The following OSBPL6 variants were observed in gnomAD, a reference collection of about 807,000 sequenced individuals.
OSBPL6 encodes oxysterol binding protein like 6.
Under a neutral mutation model 125.8 loss-of-function variants are expected in OSBPL6, and 49 were observed. That is an observed-to-expected ratio of 0.39 (90% confidence interval 0.31 to 0.49). OSBPL6 has a LOEUF of 0.49. Ranked by LOEUF, OSBPL6 falls within the 20% of genes least tolerant of loss-of-function variation. The pLI, the probability that OSBPL6 is intolerant of heterozygous loss-of-function variation, is 0.88. For synonymous variants in OSBPL6, 394 were observed against 391.8 expected (o/e 1.01, Z -0.07); for missense variants, 986 against 1,135.4 (o/e 0.87, Z 1.89).
intron 2 of OSBPL6, among the ~76,000 whole-genome samples, chr2:178,305,340 C>T (rs1356266651): frequency 6.6e-6 from 1 of 152,174 alleles, no homozygotes; most frequent in African/African-American, 2.4e-5. Context: ...TTAATACTAA[C>T]AATGCAAACC....
intron 16 of OSBPL6, 182 bp from the exon 17 acceptor site, chr2:178,382,842 C>T: frequency 7.2e-7 from 1 of 1,389,876 alleles, no homozygotes. Context: ...TAAAACTATA[C>T]ACTGTTGTTT....
chr2:178,252,858 A>G (rs926857192), intron 1 of OSBPL6, among the ~76,000 whole-genome samples: 1 of 152,090 alleles, frequency 6.6e-6, no homozygotes, highest in Non-Finnish European at 1.5e-5. Context: ...CTAAAATAGT[A>G]TGATCTTTTG....
chr2:178,360,456 T>C (rs1692247124), intron 12 of OSBPL6, among the ~76,000 whole-genome samples: 1 of 152,218 alleles, frequency 6.6e-6, no homozygotes, highest in Admixed American at 6.5e-5. Flanking sequence ...ATGTATCTTA[T>C]GACATCATGT....
chr2:178,239,597 TTTATTTA>T (rs2091204223), intron 1 of OSBPL6, among the ~76,000 whole-genome samples: 10 of 29,970 alleles, frequency 3.3e-4, no homozygotes, highest in African/African-American at 2.5e-3. Context: ...CTTTATTTTA[TTTATTTA>T]TTTATTTATT....
At chr2:178,278,350 A>G (rs913002412) in intron 1 of OSBPL6, among the ~76,000 whole-genome samples, 2 of 152,198 alleles carry the variant, frequency 1.3e-5, no homozygotes, top group Non-Finnish European at 2.9e-5. Flanking sequence ...CTTAAGGGCA[A>G]GAGCCTGGTT....
chr2:178,229,016 T>C (rs1237939693), intron 1 of OSBPL6, among the ~76,000 whole-genome samples: 5 of 152,206 alleles, frequency 3.3e-5, no homozygotes, highest in Non-Finnish European at 7.3e-5. Context: ...AAGTCCAAGA[T>C]TGGGCAGCCA....
intron 1 of OSBPL6, among the ~76,000 whole-genome samples, chr2:178,213,236 G>A (rs549233232): frequency 2.6e-5 from 4 of 151,930 alleles, no homozygotes; most frequent in African/African-American, 7.2e-5. Flanking sequence ...CTGCTTGACC[G>A]CATCAAGTTC....
At chr2:178,315,329 G>A (rs1574845497) in intron 3 of OSBPL6, among the ~76,000 whole-genome samples, 1 of 152,238 alleles carries the variant, frequency 6.6e-6, no homozygotes, top group African/African-American at 2.4e-5. Context: ...TGCTGAAATT[G>A]AGACCACTAG....
chr2:178,376,917 C>A (rs1245633175), intron 15 of OSBPL6, among the ~76,000 whole-genome samples: 1 of 152,176 alleles, frequency 6.6e-6, no homozygotes, highest in Non-Finnish European at 1.5e-5. Context: ...TTTTTACTTG[C>A]AACTTCTCCC....
chr2:178,321,739 T>C (rs6758125), intron 3 of OSBPL6, among the ~76,000 whole-genome samples: 1 of 152,184 alleles, frequency 6.6e-6, no homozygotes, highest in African/African-American at 2.4e-5. Flanking sequence ...CAGTAACAAA[T>C]ACATACATTA....
Position 178,394,892 on chromosome 2 carries a change from T to C in OSBPL6, c.2696+457T>C, listed in dbSNP as rs1407018096. 2.0e-5 allele frequency among the ~76,000 whole-genome samples: 3 copies of C among 152,346 alleles called. No individual in the cohort carries two copies. In the South Asian group the frequency reaches 6.2e-4, roughly 32 times the overall value. On this transcript the variant is annotated intron_variant, in intron 24 of 24. Coordinates refer to ENST00000190611, the MANE Select transcript of OSBPL6 (RefSeq NM_032523.4). ...ACAGGATTATTTGCAGGATTATATA[T>C]ACATCACACAGATTAATCTGAGGTT... is the stretch of plus-strand genomic sequence containing the variant.
intron 2 of OSBPL6, among the ~76,000 whole-genome samples, 188 bp downstream of exon 2, chr2:178,285,309 G>A (rs1432724179): frequency 1.3e-5 from 2 of 151,782 alleles, no homozygotes; most frequent in African/African-American, 4.8e-5. Flanking sequence ...TTTTTTTAAG[G>A]ATAGGAAGTA....
At position 178,225,241 on chromosome 2, in the gene OSBPL6, T is replaced by TA. The variant is rs572870964; in HGVS notation, c.-351+30580dup. ...ACCCTTGGTCAGGTGCCCATTACTT[T>TA]AAAAAAAAAAAAAGGAAAGAAAAGA... On this transcript the variant is annotated intron_variant, in intron 1 of 24. Transcript: ENST00000190611. 5.8e-3 allele frequency among the ~76,000 whole-genome samples: 803 copies of TA among 138,146 alleles called. 6 individuals are homozygous for TA. Among genetic ancestry groups the TA allele is most frequent in the African/African-American group, 0.017 (656 of 37,710 alleles). The allele number at this position is 138,146 out of a possible 152,430, so 90.6% of individuals were successfully genotyped here.
intron 19 of OSBPL6, among the ~76,000 whole-genome samples, chr2:178,386,170 C>A (rs937975928): frequency 6.6e-6 from 1 of 152,152 alleles, no homozygotes; most frequent in East Asian, 1.9e-4. Context: ...ATTTTCTTAA[C>A]CTGAAAATAC....
intron 13 of OSBPL6, among the ~76,000 whole-genome samples, chr2:178,364,705 T>G (rs1425003147): frequency 6.6e-6 from 1 of 151,950 alleles, no homozygotes; most frequent in Non-Finnish European, 1.5e-5. Context: ...GAGATTGAGG[T>G]GTCTGTGGGG....
intron 2 of OSBPL6, among the ~76,000 whole-genome samples, chr2:178,287,285 C>A (rs374564314): frequency 6.6e-6 from 1 of 152,044 alleles, no homozygotes; most frequent in Non-Finnish European, 1.5e-5. Context: ...ATCCATTTCT[C>A]CCCCCTAGAT....
At chr2:178,361,893 T>C in intron 13 of OSBPL6, 78 bp downstream of exon 13, 2 of 1,565,724 alleles carry the variant, frequency 1.3e-6, no homozygotes, top group Admixed American at 3.6e-5. Flanking sequence ...GATGGGGGGC[T>C]GGCAGGGAGG....
intron 23 of OSBPL6, among the ~76,000 whole-genome samples, chr2:178,393,278 G>T (rs2154119950): frequency 6.6e-6 from 1 of 152,308 alleles, no homozygotes; most frequent in Admixed American, 6.5e-5. Context: ...TTGAGTGCAA[G>T]TCTGCAATTT....
intron 1 of OSBPL6, among the ~76,000 whole-genome samples, chr2:178,199,084 G>C (rs1181004341): frequency 6.6e-6 from 1 of 152,098 alleles, no homozygotes; most frequent in Non-Finnish European, 1.5e-5. Flanking sequence ...TGGATGTTGT[G>C]GATTCTTCAC....
Sources: allele counts gnomAD v4.1 joint callset (sites outside exome capture counted in the v4.1 genomes callset), GRCh38; gene constraint gnomAD v4.1.1; transcripts MANE v1.5; gene names NCBI Gene and HGNC (gene_info 2026-07-23, HGNC 2026-07-21).